The following HERC2 variants were observed in gnomAD, a reference collection of about 807,000 sequenced individuals.
HERC2 encodes E3 ubiquitin-protein ligase HERC2.
In HERC2, 102 loss-of-function variants were observed where a neutral mutation model predicts 537.7. That is an observed-to-expected ratio of 0.19 (90% CI 0.16 to 0.22). HERC2 has a LOEUF of 0.22. HERC2 is among the 10% of genes least tolerant of loss of function. The pLI, the probability that HERC2 is intolerant of heterozygous loss-of-function variation, is 1.00. For missense variants in HERC2, 4,236 were observed against 6,198.2 expected (o/e 0.68, Z 10.63); for synonymous variants, 2,224 against 2,466.2 (o/e 0.90, Z 2.91).
At chr15:28,315,443 G>A (rs1250971589) in intron 2 of HERC2, among the ~76,000 whole-genome samples, 1 of 152,206 alleles carries the variant, frequency 6.6e-6, no homozygotes, top group African/African-American at 2.4e-5. Context: ...CTATGGGGTC[G>A]GACAAGGTTT....
At chr15:28,124,445 C>A (rs1355224139) in intron 84 of HERC2, among the ~76,000 whole-genome samples, 4 of 152,208 alleles carry the variant, frequency 2.6e-5, no homozygotes, top group Non-Finnish European at 5.9e-5. Context: ...CAAATAAATT[C>A]ACTAAGAAAT....
chr15:28,188,301 G>T (rs919918481), intron 55 of HERC2, among the ~76,000 whole-genome samples: 1 of 152,174 alleles, frequency 6.6e-6, no homozygotes, highest in Non-Finnish European at 1.5e-5. Context: ...CCAGCACTTT[G>T]GGAGGCCGAG....
chr15:28,136,415 C>G (rs963873814), intron 78 of HERC2, among the ~76,000 whole-genome samples: 4 of 152,236 alleles, frequency 2.6e-5, no homozygotes, highest in African/African-American at 9.6e-5. Flanking sequence ...AAGCCAGCTT[C>G]TGGCGGGGAG....
intron 65 of HERC2, among the ~76,000 whole-genome samples, chr15:28,173,462 A>C (rs1212070114): frequency 1.3e-5 from 2 of 152,196 alleles, no homozygotes; most frequent in South Asian, 4.1e-4. Flanking sequence ...AAGATTTTTA[A>C]AAAGAGTATA....
chr15:28,228,045 C>G (rs376542302), intron 35 of HERC2, among the ~76,000 whole-genome samples, 173 bp downstream of exon 35: 3 of 150,466 alleles, frequency 2.0e-5, no homozygotes, highest in African/African-American at 7.3e-5. Flanking sequence ...TCTAGAAAAT[C>G]GTAAATGTAT....
chr15:28,284,026 A>C (rs1290881684), intron 4 of HERC2, among the ~76,000 whole-genome samples: 2 of 152,258 alleles, frequency 1.3e-5, no homozygotes, highest in East Asian at 3.8e-4. Flanking sequence ...ACTTATACAC[A>C]GAGCCTGAAG....
intron 4 of HERC2, among the ~76,000 whole-genome samples, chr15:28,289,278 A>C (rs912633767): frequency 5.9e-5 from 9 of 152,184 alleles, no homozygotes; most frequent in African/African-American, 1.9e-4. Flanking sequence ...CACCACGCAA[A>C]CACCAAATCA....
chr15:28,141,785 C>T lies in HERC2; in HGVS notation c.11762G>A (p.Ser3921Asn), dbSNP rs569374388. 4 of 1,614,174 alleles carry T rather than the reference C, an allele frequency of 2.5e-6. No individual in the cohort carries two copies. The East Asian group carries it at 6.7e-5, about 27-fold the overall frequency. ...DSENMDVLHE[S>N]HDIFKREQDE... ...TTGCTCTCTTTTAAAAATGTCATGG[C>T]TCTCATGCAGAACATCCATGTTTTC... is the stretch of plus-strand genomic sequence containing the variant. Residue 3921 changes from serine (S) to asparagine (N), a missense_variant, in exon 77 of 93, where the codon AGC becomes AAC. Physicochemically the swap from Ser to Asn is conservative, Grantham distance 46 (BLOSUM62 1). Transcript: ENST00000261609.
intron 2 of HERC2, among the ~76,000 whole-genome samples, chr15:28,318,498 G>A (rs2077149346): frequency 6.6e-6 from 1 of 152,114 alleles, no homozygotes; most frequent in South Asian, 2.1e-4. Flanking sequence ...CGTGGTGGTG[G>A]ACACCCGTAG....
chr15:28,270,920 T>A, intron 9 of HERC2, 52 bp from the exon 10 acceptor site: 1 of 1,510,580 alleles, frequency 6.6e-7, no homozygotes, highest in Non-Finnish European at 9.1e-7. Flanking sequence ...AAATTAAAGT[T>A]AACACAATTA....
chr15:28,250,304 C>T lies in HERC2; in HGVS notation c.3051-1568G>A, dbSNP rs947221142. Among the ~76,000 whole-genome samples, 10 of 152,248 alleles carry T rather than the reference C, an allele frequency of 6.6e-5. No individual in the cohort carries two copies. The East Asian group carries it at 7.7e-4, about 12-fold the overall frequency. The stretch of plus-strand genomic sequence containing the variant: ...GCCCTCATCACACACGGCAAGGATG[C>T]GCCCTCACTGGGCTCACCACCACCA... On this transcript the variant is annotated intron_variant, in intron 20 of 92. Transcript: ENST00000261609.
chr15:28,171,488 C>T (rs1489781989), intron 65 of HERC2, among the ~76,000 whole-genome samples: 1 of 152,138 alleles, frequency 6.6e-6, no homozygotes, highest in Admixed American at 6.5e-5. Flanking sequence ...TGAAGCCACT[C>T]GCCCCAGTTC....
intron 3 of HERC2, among the ~76,000 whole-genome samples, chr15:28,296,001 T>C (rs2076459394): frequency 6.6e-6 from 1 of 151,924 alleles, no homozygotes; most frequent in Non-Finnish European, 1.5e-5. Flanking sequence ...ATTTGACAAA[T>C]TCTGAGACCC....
intron 3 of HERC2, chr15:28,298,748 AT>A (rs1256204222): frequency 6.6e-6 from 1 of 152,110 alleles, no homozygotes; most frequent in Non-Finnish European, 1.5e-5. Context: ...GTGAGCTGAG[AT>A]CGCGCCACTG....
At chr15:28,117,791 A>C in intron 86 of HERC2, 1 of 353,726 alleles carries the variant, frequency 2.8e-6, no homozygotes, top group South Asian at 2.1e-5. Flanking sequence ...ACAATTGCTA[A>C]AGGCTCAGGG....
intron 67 of HERC2, among the ~76,000 whole-genome samples, chr15:28,168,063 T>A (rs1457035235): frequency 6.6e-6 from 1 of 152,184 alleles, no homozygotes; most frequent in Admixed American, 6.5e-5. Flanking sequence ...CTATTAATAT[T>A]CACAGCAGGT....
rs374990078 is a variant in HERC2 at position 28,263,216 on chromosome 15, C to A, written c.1871-47G>T. 2.5e-6 allele frequency: 4 copies of A among 1,577,598 alleles called. No individual in the cohort carries two copies. The South Asian group carries it at 3.5e-5, about 14-fold the overall frequency. On this transcript the variant is annotated intron_variant, in intron 14 of 92. Coordinates refer to ENST00000261609, the MANE Select transcript of HERC2 (RefSeq NM_004667.6). ...AAATAACAACAACTCTGCATTTTAA[C>A]GAAAAATTTTAAATGACTGCAAATA...
At chr15:28,229,147 T>C (rs1901561553) in intron 34 of HERC2, 48 bp downstream of exon 34, 3 of 1,507,358 alleles carry the variant, frequency 2.0e-6, no homozygotes, top group East Asian at 4.5e-5. Context: ...CCACAACATA[T>C]AATTAAAGGC....
intron 5 of HERC2, among the ~76,000 whole-genome samples, chr15:28,276,007 C>G (rs780673735): frequency 6.6e-6 from 1 of 151,146 alleles, no homozygotes; most frequent in Non-Finnish European, 1.5e-5. Flanking sequence ...GCCAATATGA[C>G]GAAACCCTGT....
Sources: gnomAD v4.1 joint callset for allele counts (sites outside exome capture counted in the v4.1 genomes callset) on GRCh38, gnomAD v4.1.1 for gene constraint, MANE v1.5 for transcripts, NCBI Gene and HGNC (gene_info 2026-07-23, HGNC 2026-07-21) for gene names.